The following NUDCD1 variants were observed in gnomAD, a reference collection of about 807,000 sequenced individuals.
NUDCD1 encodes the protein nudC domain-containing protein 1.
NUDCD1 carries 60 observed loss-of-function variants against 67.8 expected under a neutral mutation model. That is an observed-to-expected ratio of 0.88 (90% CI 0.72 to 1.10). The LOEUF (loss-of-function observed/expected upper bound fraction) is 1.10. Among genes scored for constraint, NUDCD1 ranks in the 50% least tolerant of loss-of-function variants. The pLI, the probability that NUDCD1 is intolerant of heterozygous loss-of-function variation, is 0.00. For synonymous variants in NUDCD1, 244 were observed against 230.8 expected (o/e 1.06, Z -0.52); for missense variants, 643 against 695.0 (o/e 0.93, Z 0.84).
intron 6 of NUDCD1, among the ~76,000 whole-genome samples, chr8:109,276,766 G>A (rs548947522): frequency 6.6e-6 from 1 of 151,904 alleles, no homozygotes; most frequent in African/African-American, 2.4e-5. Context: ...AGTGACTCTC[G>A]TGCCTCAGCC....
At chr8:109,320,783 T>G (rs891550340) in intron 2 of NUDCD1, among the ~76,000 whole-genome samples, 2 of 152,216 alleles carry the variant, frequency 1.3e-5, no homozygotes, top group African/African-American at 2.4e-5. Flanking sequence ...CTAATATATG[T>G]CCATGAAATC....
rs778943453 is a variant in NUDCD1, at chr8:109,289,754, T to G, written c.820A>C (p.Lys274Gln). ...CTCTATTAAGAATAAAAATTACCTT[T>G]GATTTTCTCTGATATGTCTTCATCC... Reference protein sequence around the residue: ...NMDEDISEKIKEPLYYWQQTE... With the variant: ...NMDEDISEKIQEPLYYWQQTE... Residue 274 changes from lysine (K) to glutamine (Q), a missense_variant, in exon 5 of 10, where the codon AAA becomes CAA. By Grantham distance (53) the Lys-to-Gln change is moderately conservative. Transcript: ENST00000239690. 7.0e-7 allele frequency: 1 copy of G among 1,437,684 alleles called. No individual in the cohort carries two copies. Among genetic ancestry groups the G allele is most frequent in the Non-Finnish European group, 9.6e-7 (1 of 1,039,134 alleles). 89.1% of individuals were successfully genotyped at this position (1,437,684 alleles called of 1,614,324 possible). A position where few individuals can be genotyped will look rare whatever the true frequency, so the allele number is the denominator to read the frequency against.
chr8:109,291,033 C>A (rs905851625), intron 4 of NUDCD1, among the ~76,000 whole-genome samples: 5 of 152,114 alleles, frequency 3.3e-5, no homozygotes, highest in African/African-American at 1.2e-4. Context: ...ATCCAAACAC[C>A]GACATCACAT....
At chr8:109,245,221 C>G in intron 9 of NUDCD1, 101 bp downstream of exon 9, 2 of 1,120,750 alleles carry the variant, frequency 1.8e-6, no homozygotes, top group East Asian at 2.5e-5. Context: ...TAAATGTAAT[C>G]AGGACAGCTC....
At chr8:109,326,365 C>G (rs892953782) in intron 1 of NUDCD1, among the ~76,000 whole-genome samples, 14 of 152,054 alleles carry the variant, frequency 9.2e-5, no homozygotes, top group African/African-American at 3.1e-4. Flanking sequence ...TGATGATGAC[C>G]ATGTCAATTA....
intron 6 of NUDCD1, among the ~76,000 whole-genome samples, chr8:109,277,924 T>A (rs2129974336): frequency 6.6e-6 from 1 of 152,238 alleles, no homozygotes; most frequent in East Asian, 1.9e-4. Flanking sequence ...TATTAAAAAG[T>A]GTAACAAAAT....
intron 5 of NUDCD1, among the ~76,000 whole-genome samples, chr8:109,282,282 T>A (rs1208027717): frequency 6.6e-6 from 1 of 152,082 alleles, no homozygotes; most frequent in South Asian, 2.1e-4. Flanking sequence ...GGATTAAGTA[T>A]ATACCCTGCT....
At chr8:109,284,803 GAAAT>G (rs1814536281) in intron 5 of NUDCD1, among the ~76,000 whole-genome samples, 2 of 150,236 alleles carry the variant, frequency 1.3e-5, no homozygotes, top group Admixed American at 6.6e-5. Context: ...CAAAAGAAAA[GAAAT>G]AACTAAAATC....
At chr8:109,249,723 C>A (rs1813579229) in intron 8 of NUDCD1, among the ~76,000 whole-genome samples, 1 of 151,978 alleles carries the variant, frequency 6.6e-6, no homozygotes, top group African/African-American at 2.4e-5. Context: ...AAACCAAGTA[C>A]CTTAAAGTTT....
chr8:109,324,843 T>C (rs1354077077), intron 1 of NUDCD1, among the ~76,000 whole-genome samples: 1 of 152,100 alleles, frequency 6.6e-6, no homozygotes, highest in Non-Finnish European at 1.5e-5. Flanking sequence ...TCCCAGCACT[T>C]TGGGAGGCCA....
intron 6 of NUDCD1, 140 bp from the exon 7 acceptor site, chr8:109,275,636 C>T (rs1814268469): frequency 4.3e-6 from 3 of 697,324 alleles, no homozygotes; most frequent in Non-Finnish European, 6.9e-6. Flanking sequence ...AAATCTTGCT[C>T]ATTTAAGTTT....
chr8:109,311,814 G>A (rs995370581), intron 2 of NUDCD1, among the ~76,000 whole-genome samples: 12 of 151,438 alleles, frequency 7.9e-5, no homozygotes, highest in African/African-American at 2.9e-4. Flanking sequence ...ACTACAAATA[G>A]GACTACAAAT....
At chr8:109,251,031 G>C (rs563262247) in intron 8 of NUDCD1, among the ~76,000 whole-genome samples, 1 of 152,252 alleles carries the variant, frequency 6.6e-6, no homozygotes, top group Non-Finnish European at 1.5e-5. Context: ...GAAGTTTGTA[G>C]AGAATTGGTA....
rs573928354 is a variant in NUDCD1 at position 109,245,534 on chromosome 8, C to T, written c.1300-53G>A. 8.4e-5 allele frequency: 118 copies of T among 1,405,430 alleles called. No homozygotes were observed. In the South Asian group the frequency reaches 1.5e-3, roughly 17 times the overall value. The allele number at this position is 1,405,430 out of a possible 1,614,324, so 87.1% of individuals were successfully genotyped here. On this transcript the variant is annotated intron_variant, in intron 8 of 9. Coordinates refer to ENST00000239690, the MANE Select transcript of NUDCD1 (RefSeq NM_032869.4). ...CTCAACAACAAATTAATAATAGCAA[C>T]AATAACAATGGCAGAAGCTGACAGC... is the stretch of plus-strand genomic sequence containing the variant.
chr8:109,278,859 T>G lies in NUDCD1; in HGVS notation c.1028+2109A>C, dbSNP rs1387464313. ...CTGCTATGAATATATGTTTGCAAATTTGTTTTGGCTTTGTTTTGTTTTTTA... is the reference window on the plus strand; with the variant it reads ...CTGCTATGAATATATGTTTGCAAATGTGTTTTGGCTTTGTTTTGTTTTTTA... On this transcript the variant is annotated intron_variant, in intron 6 of 9. Coordinates refer to ENST00000239690, the MANE Select transcript of NUDCD1 (RefSeq NM_032869.4). Among the ~76,000 whole-genome samples, 5 of 152,154 alleles carry G rather than the reference T, an allele frequency of 3.3e-5. No homozygotes were observed. The East Asian group carries it at 9.6e-4, about 29-fold the overall frequency.
chr8:109,250,779 T>C (rs970067163), intron 8 of NUDCD1, among the ~76,000 whole-genome samples: 2 of 152,146 alleles, frequency 1.3e-5, no homozygotes, highest in African/African-American at 4.8e-5. Context: ...TTGATGATAT[T>C]TGAATAACAA....
intron 1 of NUDCD1, chr8:109,329,690 G>T: frequency 1.2e-6 from 1 of 854,714 alleles, no homozygotes; most frequent in Non-Finnish European, 1.8e-6. Context: ...ATGATTTCAC[G>T]GGTGTATACA....
At chr8:109,284,829 G>A (rs1345491312) in intron 5 of NUDCD1, among the ~76,000 whole-genome samples, 1 of 150,346 alleles carries the variant, frequency 6.7e-6, no homozygotes, top group Non-Finnish European at 1.5e-5. Flanking sequence ...GAGCAAAACT[G>A]AATGAAATTG....
At chr8:109,245,891 C>T (rs1312326606) in intron 8 of NUDCD1, among the ~76,000 whole-genome samples, 1 of 152,194 alleles carries the variant, frequency 6.6e-6, no homozygotes, top group Non-Finnish European at 1.5e-5. Context: ...CTGGGCCGCA[C>T]AGCAAGAGAT....
Sources: allele counts gnomAD v4.1 joint callset (sites outside exome capture counted in the v4.1 genomes callset), GRCh38; gene constraint gnomAD v4.1.1; transcripts MANE v1.5; gene names NCBI Gene and HGNC (gene_info 2026-07-23, HGNC 2026-07-21).